The following SH3BGRL2 variants were observed in gnomAD, a reference collection of about 807,000 sequenced individuals.
SH3BGRL2 encodes the protein SH3 domain binding glutamate rich protein like 2, also known as SH3 domain-binding glutamic acid-rich-like protein 2.
SH3BGRL2 carries 21 observed loss-of-function variants against 14.8 expected under a neutral mutation model. That is an observed-to-expected ratio of 1.42 (90% confidence interval 1.01 to 2.05). SH3BGRL2 has a LOEUF of 2.05. Ranked by LOEUF, SH3BGRL2 falls within the 30% of genes most tolerant of loss-of-function variation. The pLI is 0.00. For missense variants in SH3BGRL2, 147 were observed against 130.8 expected (o/e 1.12, Z -0.61); for synonymous variants, 50 against 47.8 (o/e 1.05, Z -0.19).
At chr6:79,586,425 A>G in the SH3BGRL2 span, among the ~76,000 whole-genome samples, 2 of 152,022 alleles carry the variant, frequency 1.3e-5, no homozygotes, top group Non-Finnish European at 2.9e-5. Flanking sequence ...CCTTTTACAT[A>G]TGAATATGTT....
At chr6:79,672,899 A>G (rs925477005) in intron 1 of SH3BGRL2, among the ~76,000 whole-genome samples, 1 of 152,100 alleles carries the variant, frequency 6.6e-6, no homozygotes, top group African/African-American at 2.4e-5. Context: ...AAGTAAGATG[A>G]TATTCTTTGT....
the SH3BGRL2 span, among the ~76,000 whole-genome samples, chr6:79,600,679 G>A: frequency 6.6e-6 from 1 of 152,156 alleles, no homozygotes; most frequent in South Asian, 2.1e-4. Context: ...TCACCCGGGA[G>A]CTGGGAGAAA....
the SH3BGRL2 span, among the ~76,000 whole-genome samples, chr6:79,580,749 A>G: frequency 6.6e-6 from 1 of 152,198 alleles, no homozygotes; most frequent in Non-Finnish European, 1.5e-5. Context: ...AAGCAAGAGC[A>G]AACAGATTCA....
chr6:79,600,998 CTCTT>C, the SH3BGRL2 span, among the ~76,000 whole-genome samples: 489 of 152,156 alleles, frequency 3.2e-3, 2 homozygotes, highest in African/African-American at 0.011. Flanking sequence ...CAAGCTCTCT[CTCTT>C]CTCCCACCAT....
chr6:79,550,960 G>A, the SH3BGRL2 span, among the ~76,000 whole-genome samples: 5 of 152,100 alleles, frequency 3.3e-5, no homozygotes, highest in African/African-American at 7.2e-5. Flanking sequence ...CAAAACCAGC[G>A]AAGATTTTCT....
intron 1 of SH3BGRL2, among the ~76,000 whole-genome samples, chr6:79,659,495 A>G (rs567883738): frequency 6.6e-5 from 10 of 152,232 alleles, no homozygotes; most frequent in African/African-American, 2.2e-4. Flanking sequence ...CCATTGGTCT[A>G]TATCTCTGTT....
At chr6:79,562,603 C>T in the SH3BGRL2 span, among the ~76,000 whole-genome samples, 6 of 152,136 alleles carry the variant, frequency 3.9e-5, no homozygotes, top group East Asian at 1.2e-3. Context: ...AATAGAAACA[C>T]ACACACTGAC....
chr6:79,680,343 T>C (rs1769964960), intron 2 of SH3BGRL2, among the ~76,000 whole-genome samples: 2 of 152,154 alleles, frequency 1.3e-5, no homozygotes, highest in Non-Finnish European at 2.9e-5. Context: ...GACCATCTTT[T>C]TTCTCAATGA....
upstream of SH3BGRL2, chr6:79,631,265 T>C (rs999537678): frequency 2.6e-5 from 11 of 423,302 alleles, no homozygotes; most frequent in Admixed American, 4.4e-5. Flanking sequence ...CTCCCTCTCC[T>C]TCCCCTTCAG....
At chr6:79,632,968 T>C (rs1179379020) in intron 1 of SH3BGRL2, among the ~76,000 whole-genome samples, 1 of 152,256 alleles carries the variant, frequency 6.6e-6, no homozygotes, top group Non-Finnish European at 1.5e-5. Context: ...GAATGGTTTT[T>C]ATCCCTTCCA....
chr6:79,613,402 A>G, the SH3BGRL2 span, among the ~76,000 whole-genome samples: 1 of 152,210 alleles, frequency 6.6e-6, no homozygotes, highest in Non-Finnish European at 1.5e-5. Context: ...ACTTCTGAAT[A>G]TTATAGGTTA....
At chr6:79,585,564 G>A in the SH3BGRL2 span, among the ~76,000 whole-genome samples, 2 of 152,038 alleles carry the variant, frequency 1.3e-5, no homozygotes, top group Non-Finnish European at 2.9e-5. Context: ...CACCCTTGCA[G>A]TTCAGTTTCC....
rs185827553 is a variant in SH3BGRL2, at chr6:79,662,747, A to G, written c.46-10867A>G. On this transcript the variant is annotated intron_variant, in intron 1 of 3. Coordinates refer to ENST00000369838, the MANE Select transcript of SH3BGRL2 (RefSeq NM_031469.4). Reference sequence around the variant, plus strand: ...ATAATATCCTGAAGGGTGTTTTCCAACTTGGTTCCATTCTCCCCATCACTT... The same window carrying G: ...ATAATATCCTGAAGGGTGTTTTCCAGCTTGGTTCCATTCTCCCCATCACTT... 2.1e-3 allele frequency among the ~76,000 whole-genome samples: 318 copies of G among 152,282 alleles called. 2 individuals are homozygous for G. Among genetic ancestry groups the G allele is most frequent in the African/African-American group, 7.2e-3 (298 of 41,550 alleles).
chr6:79,672,116 G>A (rs1279771379), intron 1 of SH3BGRL2, among the ~76,000 whole-genome samples: 1 of 152,114 alleles, frequency 6.6e-6, no homozygotes, highest in Non-Finnish European at 1.5e-5. Flanking sequence ...AACATGATTT[G>A]TATAAAACAG....
the SH3BGRL2 span, among the ~76,000 whole-genome samples, chr6:79,576,128 T>C: frequency 6.6e-6 from 1 of 152,182 alleles, no homozygotes; most frequent in Admixed American, 6.5e-5. Flanking sequence ...AACCCTATCA[T>C]ACAAGCTATT....
At chr6:79,690,966 A>G (rs1487195071) in intron 2 of SH3BGRL2, among the ~76,000 whole-genome samples, 1 of 152,190 alleles carries the variant, frequency 6.6e-6, no homozygotes, top group African/African-American at 2.4e-5. Flanking sequence ...TCATGAACAT[A>G]GATGAATTTT....
the SH3BGRL2 span, among the ~76,000 whole-genome samples, chr6:79,556,294 A>G: frequency 6.6e-6 from 1 of 152,162 alleles, no homozygotes; most frequent in Non-Finnish European, 1.5e-5. Context: ...GTGACAAAAT[A>G]TTAGTCTAAA....
intron 1 of SH3BGRL2, among the ~76,000 whole-genome samples, chr6:79,662,791 C>G (rs568212466): frequency 6.6e-6 from 1 of 152,152 alleles, no homozygotes; most frequent in South Asian, 2.1e-4. Flanking sequence ...ACCAATCAAA[C>G]GTAGATTTGG....
chr6:79,605,240 C>T, the SH3BGRL2 span, among the ~76,000 whole-genome samples: 1 of 152,182 alleles, frequency 6.6e-6, no homozygotes, highest in Non-Finnish European at 1.5e-5. Flanking sequence ...GATCAATATG[C>T]TGTGGTTGAC....
Sources: allele counts gnomAD v4.1 joint callset (sites outside exome capture counted in the v4.1 genomes callset), GRCh38; gene constraint gnomAD v4.1.1; transcripts MANE v1.5; gene names NCBI Gene and HGNC (gene_info 2026-07-23, HGNC 2026-07-21).